The following MYO1D variants were observed in gnomAD, a reference collection of about 807,000 sequenced individuals.
The protein encoded by MYO1D is unconventional myosin-Id.
Under a neutral mutation model 122.0 loss-of-function variants are expected in MYO1D, and 83 were observed. The observed-to-expected ratio is 0.68, with a 90% CI of 0.57 to 0.82. The LOEUF (loss-of-function observed/expected upper bound fraction) is 0.82, where lower values mean the gene tolerates loss of function less well. Ranked by LOEUF, MYO1D falls within the 40% of genes least tolerant of loss-of-function variation. The probability of loss-of-function intolerance (pLI) is 0.00; values close to 1 mark genes in which losing one functional copy is unlikely to be tolerated. For missense variants in MYO1D, 1,157 were observed against 1,269.5 expected, an observed-to-expected ratio of 0.91 and a Z score of 1.35; for synonymous variants, 464 against 446.9, an observed-to-expected ratio of 1.04 and a Z score of -0.48.
chr17:32,835,542 G>A (rs1328650560), intron 1 of MYO1D, among the ~76,000 whole-genome samples: 1 of 152,082 alleles, frequency 6.6e-6, no homozygotes, highest in Non-Finnish European at 1.5e-5. Flanking sequence ...TTCTTACACG[G>A]CCCTGAAATG....
intron 1 of MYO1D, among the ~76,000 whole-genome samples, chr17:32,790,538 T>C (rs1355353773): frequency 6.6e-6 from 1 of 152,236 alleles, no homozygotes; most frequent in Non-Finnish European, 1.5e-5. Context: ...ATAGAGGACA[T>C]ATCTATCTTG....
At chr17:32,853,310 T>C (rs944749076) in intron 1 of MYO1D, among the ~76,000 whole-genome samples, 8 of 152,226 alleles carry the variant, frequency 5.3e-5, no homozygotes, top group African/African-American at 1.9e-4. Flanking sequence ...CACCACAGTC[T>C]TCTAAAATGT....
At chr17:32,826,680 G>T (rs983967607) in intron 1 of MYO1D, among the ~76,000 whole-genome samples, 10 of 152,172 alleles carry the variant, frequency 6.6e-5, no homozygotes, top group African/African-American at 2.4e-4. Context: ...TCTTGTGATA[G>T]GAGAAAATTT....
intron 16 of MYO1D, among the ~76,000 whole-genome samples, chr17:32,700,822 T>C (rs1486119461): frequency 6.6e-6 from 1 of 151,206 alleles, no homozygotes; most frequent in African/African-American, 2.4e-5. Context: ...TGTGCGCCTG[T>C]AATACCAGCT....
intron 1 of MYO1D, among the ~76,000 whole-genome samples, chr17:32,876,265 C>G (rs1210130118): frequency 6.6e-6 from 1 of 151,538 alleles, no homozygotes; most frequent in African/African-American, 2.4e-5. Flanking sequence ...GATGGAACTA[C>G]GCCAGGAGGA....
intron 12 of MYO1D, 49 bp downstream of exon 12, chr17:32,748,887 A>C: frequency 6.6e-7 from 1 of 1,506,166 alleles, no homozygotes; most frequent in Non-Finnish European, 9.2e-7. Context: ...GTATTTTCTA[A>C]AGTGAGGCGG....
chr17:32,823,222 A>C (rs769058262), intron 1 of MYO1D, among the ~76,000 whole-genome samples: 12 of 152,094 alleles, frequency 7.9e-5, no homozygotes, highest in Non-Finnish European at 1.6e-4. Context: ...GAGGTGGAGT[A>C]ACTATCATAT....
chr17:32,545,243 C>T (rs2086956722), intron 21 of MYO1D, among the ~76,000 whole-genome samples: 1 of 152,362 alleles, frequency 6.6e-6, no homozygotes. Context: ...CTGGCTTACA[C>T]AGCCTCTCCA....
chr17:32,608,447 T>G (rs939052433), intron 20 of MYO1D, among the ~76,000 whole-genome samples: 1 of 152,152 alleles, frequency 6.6e-6, no homozygotes, highest in South Asian at 2.1e-4. Context: ...CCCATCAGAA[T>G]GGCTAAAATA....
At chr17:32,675,182 A>C (rs2088789545) in intron 16 of MYO1D, among the ~76,000 whole-genome samples, 1 of 152,224 alleles carries the variant, frequency 6.6e-6, no homozygotes, top group South Asian at 2.1e-4. Flanking sequence ...ATGGTTTATC[A>C]TAACAGTGGG....
At chr17:32,839,408 G>A (rs979327459) in intron 1 of MYO1D, among the ~76,000 whole-genome samples, 11 of 152,182 alleles carry the variant, frequency 7.2e-5, no homozygotes, top group African/African-American at 2.4e-4. Flanking sequence ...AGAACCAAAG[G>A]AGTGGAAAAG....
intron 1 of MYO1D, among the ~76,000 whole-genome samples, chr17:32,831,894 G>A (rs1346311864): frequency 6.6e-6 from 1 of 152,062 alleles, no homozygotes; most frequent in Non-Finnish European, 1.5e-5. Flanking sequence ...TACACATAAG[G>A]GCAAGGCATC....
chr17:32,540,952 A>T (rs1366927168), intron 21 of MYO1D, among the ~76,000 whole-genome samples: 2 of 151,032 alleles, frequency 1.3e-5, no homozygotes, highest in Middle Eastern at 3.2e-3. Flanking sequence ...AAAGACAGTA[A>T]GTGTTGGCAA....
intron 1 of MYO1D, among the ~76,000 whole-genome samples, chr17:32,783,049 G>A (rs948234773): frequency 2.6e-5 from 4 of 151,850 alleles, no homozygotes; most frequent in East Asian, 3.9e-4. Context: ...GATTCACTAC[G>A]CAAGTTTTTC....
intron 21 of MYO1D, among the ~76,000 whole-genome samples, chr17:32,562,920 G>A (rs2087138708): frequency 6.6e-6 from 1 of 152,074 alleles, no homozygotes; most frequent in South Asian, 2.1e-4. Context: ...CTTTTTAAAG[G>A]GAGGGGCATT....
chr17:32,818,125 C>CAAAAAAAAAAAAAAAA (rs58466009), intron 1 of MYO1D, among the ~76,000 whole-genome samples: 22 of 46,004 alleles, frequency 4.8e-4, no homozygotes, highest in African/African-American at 9.3e-4. Context: ...GACTCCGTCT[C>CAAAAAAAAAAAAAAAA]AAAAAAAAAA....
At chr17:32,576,307 CTCTA>C (rs767813469) in intron 21 of MYO1D, among the ~76,000 whole-genome samples, 23 of 152,172 alleles carry the variant, frequency 1.5e-4, no homozygotes, top group African/African-American at 9.7e-5. Context: ...GACCTTATTT[CTCTA>C]TCTAAGAAGC....
chr17:32,692,058 G>T (rs2089109748), intron 16 of MYO1D, among the ~76,000 whole-genome samples: 1 of 152,118 alleles, frequency 6.6e-6, no homozygotes. Context: ...TATATTAAAG[G>T]TATTCATAAT....
At chr17:32,801,828 G>A (rs1465431101) in intron 1 of MYO1D, among the ~76,000 whole-genome samples, 5 of 152,126 alleles carry the variant, frequency 3.3e-5, no homozygotes, top group Non-Finnish European at 7.3e-5. Flanking sequence ...GGAAACGGCT[G>A]AATCCATAAT....
Sources: gnomAD v4.1 joint callset for allele counts (sites outside exome capture counted in the v4.1 genomes callset) on GRCh38, gnomAD v4.1.1 for gene constraint, MANE v1.5 for transcripts, NCBI Gene and HGNC (gene_info 2026-07-23, HGNC 2026-07-21) for gene names.